NSMCE2: variants seen among roughly 807,000 people sequenced by gnomAD.
NSMCE2 encodes E3 SUMO-protein ligase NSE2.
NSMCE2 carries 24 observed loss-of-function variants against 23.8 expected under a neutral mutation model. The observed-to-expected ratio is 1.01, with a 90% CI of 0.73 to 1.42. NSMCE2 has a LOEUF of 1.42. Ranked by LOEUF, NSMCE2 falls within the 40% of genes most tolerant of loss-of-function variation. NSMCE2 has a pLI of 0.00. For synonymous variants in NSMCE2, 92 were observed against 94.1 expected, an observed-to-expected ratio of 0.98 and a Z score of 0.13; for missense variants, 284 against 296.5, an observed-to-expected ratio of 0.96 and a Z score of 0.31.
At chr8:125,303,363 A>T (rs969366198) in intron 5 of NSMCE2, among the ~76,000 whole-genome samples, 4 of 152,196 alleles carry the variant, frequency 2.6e-5, no homozygotes, top group African/African-American at 9.7e-5. Context: ...TGGAATTCTG[A>T]TTCATTTGCA....
chr8:125,128,186 G>A (rs1284432125), intron 3 of NSMCE2, among the ~76,000 whole-genome samples: 5 of 152,120 alleles, frequency 3.3e-5, no homozygotes, highest in Admixed American at 1.3e-4. Context: ...GCAATGGGAA[G>A]GTGTTAAAGA....
chr8:125,366,500 A>C (rs1314803003), intron 7 of NSMCE2, among the ~76,000 whole-genome samples: 1 of 152,128 alleles, frequency 6.6e-6, no homozygotes, highest in East Asian at 1.9e-4. Context: ...GGATCGTGCC[A>C]CTGCACTCCA....
chr8:125,353,981 G>T (rs1021601992), intron 5 of NSMCE2, among the ~76,000 whole-genome samples: 2 of 150,756 alleles, frequency 1.3e-5, no homozygotes, highest in Admixed American at 1.3e-4. Context: ...ACTCAGGCTG[G>T]AGTGCAATGG....
At chr8:125,263,977 A>G (rs999115058) in intron 5 of NSMCE2, among the ~76,000 whole-genome samples, 3 of 152,204 alleles carry the variant, frequency 2.0e-5, no homozygotes, top group Non-Finnish European at 4.4e-5. Flanking sequence ...GAGTTTTTCT[A>G]CTGTTCTCAT....
intron 5 of NSMCE2, among the ~76,000 whole-genome samples, chr8:125,244,149 G>A (rs1825868995): frequency 6.6e-6 from 1 of 151,902 alleles, no homozygotes; most frequent in African/African-American, 2.4e-5. Context: ...ACTAATAGCA[G>A]GGATCTACAA....
At chr8:125,110,759 G>GTTTTTTTTTTTTTTTTTTT (rs1387354813) in intron 3 of NSMCE2, among the ~76,000 whole-genome samples, 1 of 58,112 alleles carries the variant, frequency 1.7e-5, no homozygotes, top group African/African-American at 7.3e-5. Flanking sequence ...TTTGGTTGTT[G>GTTTTTTTTTTTTTTTTTTT]TTGTTTTTTT....
chr8:125,312,346 C>T (rs917504071), intron 5 of NSMCE2, among the ~76,000 whole-genome samples: 1 of 152,080 alleles, frequency 6.6e-6, no homozygotes, highest in African/African-American at 2.4e-5. Context: ...TGTATTGTGG[C>T]CGGGCATGGT....
At position 125,295,710 on chromosome 8, in the gene NSMCE2, G is replaced by A. The variant is rs139070601; in HGVS notation, c.419-61509G>A. On this transcript the variant is annotated intron_variant, in intron 5 of 7. Coordinates refer to ENST00000287437, the MANE Select transcript of NSMCE2 (RefSeq NM_173685.4). ...GTGTGTGATTGTGTGGCTCGGTTGG[G>A]GAATAGTTGGAAGGAATAGTTGGAG... Among the ~76,000 whole-genome samples the A allele has an allele frequency of 4.0e-3, 613 of 152,202 alleles. 6 individuals are homozygous for A. Among genetic ancestry groups the A allele is most frequent in the African/African-American group, 0.014 (587 of 41,502 alleles).
At chr8:125,325,399 G>A (rs181530072) in intron 5 of NSMCE2, among the ~76,000 whole-genome samples, 105 of 152,328 alleles carry the variant, frequency 6.9e-4, no homozygotes, top group Non-Finnish European at 1.4e-3. Context: ...CACCCAGGTT[G>A]GAGTGCAGTG....
chr8:125,329,348 G>A (rs1829790863), intron 5 of NSMCE2, among the ~76,000 whole-genome samples: 1 of 152,214 alleles, frequency 6.6e-6, no homozygotes, highest in Non-Finnish European at 1.5e-5. Context: ...TTTTGGCTGT[G>A]AGCAGGGCTC....
chr8:125,193,248 G>A (rs1219348102), intron 5 of NSMCE2, among the ~76,000 whole-genome samples: 6 of 152,116 alleles, frequency 3.9e-5, no homozygotes, highest in Non-Finnish European at 7.4e-5. Flanking sequence ...AACTTATCAC[G>A]ACAGACATTA....
chr8:125,117,490 A>T (rs1025339249), intron 3 of NSMCE2, among the ~76,000 whole-genome samples: 3 of 152,014 alleles, frequency 2.0e-5, no homozygotes, highest in African/African-American at 7.3e-5. Flanking sequence ...ATACCAGTTA[A>T]TGCGTTTTCT....
At chr8:125,146,898 A>C (rs187747391) in intron 3 of NSMCE2, among the ~76,000 whole-genome samples, 2 of 152,298 alleles carry the variant, frequency 1.3e-5, no homozygotes, top group Admixed American at 6.5e-5. Context: ...AAGTATAAAA[A>C]AAACAAAACA....
chr8:125,294,625 T>C (rs1828251043), intron 5 of NSMCE2, among the ~76,000 whole-genome samples: 1 of 152,228 alleles, frequency 6.6e-6, no homozygotes, highest in Admixed American at 6.5e-5. Flanking sequence ...ATAGAAACTG[T>C]CTCATATTAC....
intron 3 of NSMCE2, among the ~76,000 whole-genome samples, chr8:125,142,207 T>G (rs1820408109): frequency 6.6e-6 from 1 of 152,214 alleles, no homozygotes; most frequent in South Asian, 2.1e-4. Flanking sequence ...GCAGATCATT[T>G]TACCTACATT....
intron 3 of NSMCE2, among the ~76,000 whole-genome samples, chr8:125,111,103 A>G (rs528030317): frequency 6.6e-6 from 1 of 152,308 alleles, no homozygotes; most frequent in South Asian, 2.1e-4. Flanking sequence ...TGTTCTGGCT[A>G]AGAATCATCA....
intron 5 of NSMCE2, among the ~76,000 whole-genome samples, chr8:125,187,149 C>T (rs148443056): frequency 1.4e-4 from 22 of 152,218 alleles, no homozygotes; most frequent in Non-Finnish European, 2.9e-4. Flanking sequence ...GCTTAGCAGA[C>T]GGAAGACTTG....
chr8:125,295,800 T>G (rs1022623398), intron 5 of NSMCE2, among the ~76,000 whole-genome samples: 1 of 152,176 alleles, frequency 6.6e-6, no homozygotes. Context: ...GAGCTGGATT[T>G]CTTTCTTTGT....
intron 5 of NSMCE2, among the ~76,000 whole-genome samples, chr8:125,232,964 T>C (rs1417428545): frequency 6.6e-6 from 1 of 152,204 alleles, no homozygotes; most frequent in Non-Finnish European, 1.5e-5. Flanking sequence ...ACCAACTGCA[T>C]TGCAAAAGAA....
Sources: allele counts gnomAD v4.1 joint callset (sites outside exome capture counted in the v4.1 genomes callset), GRCh38; gene constraint gnomAD v4.1.1; transcripts MANE v1.5; gene names NCBI Gene and HGNC (gene_info 2026-07-23, HGNC 2026-07-21).